The following SLC2A14 variants were observed in gnomAD, a reference collection of about 807,000 sequenced individuals.
The protein encoded by SLC2A14 is solute carrier family 2, facilitated glucose transporter member 14.
Under a neutral mutation model 43.0 loss-of-function variants are expected in SLC2A14, and 13 were observed. That is an observed-to-expected ratio of 0.30 (90% CI 0.20 to 0.48). SLC2A14 has a LOEUF of 0.48. Ranked by LOEUF, SLC2A14 falls within the 20% of genes least tolerant of loss-of-function variation. The pLI is 0.99. For missense variants in SLC2A14, 428 were observed against 620.4 expected, an observed-to-expected ratio of 0.69 and a Z score of 3.29; for synonymous variants, 190 against 233.8, an observed-to-expected ratio of 0.81 and a Z score of 1.71.
chr12:7,814,203 A>G lies in SLC2A14; in HGVS notation c.*113T>C, dbSNP rs753866049. ...TCATGGAGTGCGTGGGATGAGAAAG[A>G]AATCAAGTAGCAGCATTCAGAAGCA... On this transcript the variant is annotated 3_prime_UTR_variant, in exon 11 of 11. Transcript: ENST00000431042. The G allele has an allele frequency of 7.7e-5, 115 of 1,501,906 alleles. No individual in the cohort carries two copies. The African/African-American group carries it at 1.2e-3, about 16-fold the overall frequency. 93.0% of individuals were successfully genotyped at this position (1,501,906 alleles called of 1,614,324 possible).
intron 2 of SLC2A14, among the ~76,000 whole-genome samples, chr12:7,851,684 C>T (rs183575743): frequency 6.6e-6 from 1 of 152,272 alleles, no homozygotes. Context: ...GAATCAGAAG[C>T]ATGTGAAAAC....
rs1011795839 is a variant in SLC2A14 at position 7,872,791 on chromosome 12, G to C, written c.-58+16C>G. ...TCCCGCACCCCCCGGCCGCAGGGAC[G>C]GCGCGGCGCACCCACCTCCCAGACC... On this transcript the variant is annotated intron_variant, in intron 1 of 10. Coordinates refer to ENST00000431042, the MANE Select transcript of SLC2A14 (RefSeq NM_001286234.2). 2.6e-5 allele frequency: 26 copies of C among 985,336 alleles called. No individual in the cohort carries two copies. The highest frequency in any genetic ancestry group is 6.2e-5 in the Admixed American group (1 of 16,250). 61.0% of individuals were successfully genotyped at this position (985,336 alleles called of 1,614,324 possible).
At position 7,861,522 on chromosome 12, in the gene SLC2A14, C is replaced by T. The variant is rs1457548620; in HGVS notation, c.18+8341G>A. ...GTGTAAAGAAAAAATGTGCCCCTTCCTCTGGATGAGGAGGAGAGCCTGGCC... is the reference window on the plus strand; with the variant it reads ...GTGTAAAGAAAAAATGTGCCCCTTCTTCTGGATGAGGAGGAGAGCCTGGCC... On this transcript the variant is annotated intron_variant, in intron 2 of 10. Transcript: ENST00000431042. Among the ~76,000 whole-genome samples the T allele has an allele frequency of 2.0e-5, 3 of 152,086 alleles. 1 individual carries two copies. Among genetic ancestry groups the T allele is most frequent in the Non-Finnish European group, 4.4e-5 (3 of 68,012 alleles).
chr12:7,834,150 C>T (rs78729165), intron 2 of SLC2A14, among the ~76,000 whole-genome samples: 26 of 151,780 alleles, frequency 1.7e-4, no homozygotes, highest in African/African-American at 6.3e-4. Context: ...AGTAAAAGTC[C>T]TTTCTTTCTC....
intron 2 of SLC2A14, among the ~76,000 whole-genome samples, chr12:7,837,570 G>A (rs1415210768): frequency 1.4e-5 from 2 of 147,102 alleles, no homozygotes; most frequent in African/African-American, 5.2e-5. Context: ...ACCTGGGGGC[G>A]GAGGTTGCAG....
In SLC2A14 at chr12:7,828,683, TAA is replaced by T. The variant is rs769526337; in HGVS notation, c.676+19_676+20del. The T allele has an allele frequency of 6.2e-7, 1 of 1,613,164 alleles. No homozygotes were observed. Among genetic ancestry groups the T allele is most frequent in the Admixed American group, 1.7e-5 (1 of 60,000 alleles). On this transcript the variant is annotated intron_variant, in intron 6 of 10. Coordinates refer to ENST00000431042, the MANE Select transcript of SLC2A14 (RefSeq NM_001286234.2). ...AACCACAACCATATACTTTGTATAC[TAA>T]AGAGTGAAAGATACTCACTCCGCGT... is the stretch of plus-strand genomic sequence containing the variant.
At chr12:7,822,533 G>A (rs1416911037) in intron 7 of SLC2A14, among the ~76,000 whole-genome samples, 1 of 152,024 alleles carries the variant, frequency 6.6e-6, no homozygotes, top group Non-Finnish European at 1.5e-5. Context: ...GCCAGGCGTG[G>A]TGGCGGGCGC....
At chr12:7,861,183 T>C (rs1161973373) in intron 2 of SLC2A14, among the ~76,000 whole-genome samples, 2 of 152,064 alleles carry the variant, frequency 1.3e-5, no homozygotes, top group Non-Finnish European at 1.5e-5. Flanking sequence ...TGAAGATCTG[T>C]AGTGCAAGGT....
chr12:7,851,303 C>G (rs946092380), intron 2 of SLC2A14, among the ~76,000 whole-genome samples: 3 of 152,118 alleles, frequency 2.0e-5, no homozygotes, highest in Non-Finnish European at 2.9e-5. Flanking sequence ...ACAGCCCTAA[C>G]AAATACTTCC....
At chr12:7,861,544 G>A (rs1944560959) in intron 2 of SLC2A14, among the ~76,000 whole-genome samples, 1 of 152,046 alleles carries the variant, frequency 6.6e-6, no homozygotes, top group African/African-American at 2.4e-5. Flanking sequence ...AGGAGAGCCT[G>A]GCCAGTGGAT....
intron 2 of SLC2A14, among the ~76,000 whole-genome samples, chr12:7,862,614 G>C (rs1272097980): frequency 6.6e-6 from 1 of 152,192 alleles, no homozygotes; most frequent in African/African-American, 2.4e-5. Context: ...TGCAGCACCG[G>C]TGCGTGATCC....
chr12:7,870,297 T>A (rs4257052), intron 1 of SLC2A14, among the ~76,000 whole-genome samples: 67,548 of 151,866 alleles, frequency 0.44, 15,320 homozygotes, highest in Non-Finnish European at 0.51. Context: ...AATCTTGCTG[T>A]CATAAAATTC....
At chr12:7,824,211 G>A (rs1864160506) in intron 7 of SLC2A14, among the ~76,000 whole-genome samples, 1 of 152,142 alleles carries the variant, frequency 6.6e-6, no homozygotes. Flanking sequence ...AGCCGAGATC[G>A]AGCCACTGCA....
chr12:7,879,318 A>AC (rs1374536836), intron 1 of SLC2A14, among the ~76,000 whole-genome samples: 1 of 47,022 alleles, frequency 2.1e-5, no homozygotes, highest in Non-Finnish European at 4.4e-5. Flanking sequence ...TGCAAAAAAA[A>AC]ACAAACAACA....
chr12:7,878,249 T>C (rs891619446), upstream of SLC2A14, among the ~76,000 whole-genome samples: 3 of 150,826 alleles, frequency 2.0e-5, no homozygotes, highest in African/African-American at 7.3e-5. Context: ...CAGGGTTTCA[T>C]CATGTTGGCC....
chr12:7,840,957 CG>C (rs1305430443), intron 2 of SLC2A14, among the ~76,000 whole-genome samples: 1 of 149,678 alleles, frequency 6.7e-6, no homozygotes, highest in African/African-American at 2.5e-5. Context: ...TGCGCTAAGT[CG>C]GCGATGATGC....
chr12:7,875,721 C>T (rs746208057), upstream of SLC2A14, among the ~76,000 whole-genome samples: 2 of 152,062 alleles, frequency 1.3e-5, no homozygotes, highest in East Asian at 1.9e-4. Context: ...GCCTGTAATC[C>T]TAACACTTTG....
intron 7 of SLC2A14, among the ~76,000 whole-genome samples, chr12:7,825,329 G>T (rs1266684327): frequency 2.0e-5 from 3 of 150,024 alleles, no homozygotes; most frequent in Non-Finnish European, 4.5e-5. Context: ...GTGTGGTGTC[G>T]GCCGCCTGTA....
At chr12:7,846,635 A>T (rs1437543460) in intron 2 of SLC2A14, among the ~76,000 whole-genome samples, 13 of 145,418 alleles carry the variant, frequency 8.9e-5, no homozygotes, top group African/African-American at 2.0e-4. Flanking sequence ...AATATTCATA[A>T]TTTTTTTTTT....
Sources: gnomAD v4.1 joint callset for allele counts (sites outside exome capture counted in the v4.1 genomes callset) on GRCh38, gnomAD v4.1.1 for gene constraint, MANE v1.5 for transcripts, NCBI Gene and HGNC (gene_info 2026-07-23, HGNC 2026-07-21) for gene names.